Variants in DNAJC24 observed in about 807,000 individuals in gnomAD.
DNAJC24 encodes dnaJ homolog subfamily C member 24.
Under a neutral mutation model 18.0 loss-of-function variants are expected in DNAJC24, and 17 were observed. That is an observed-to-expected ratio of 0.94 (90% confidence interval 0.65 to 1.42). DNAJC24 has a LOEUF of 1.42. Ranked by LOEUF, DNAJC24 falls within the 40% of genes most tolerant of loss-of-function variation. The pLI is 0.00. For missense variants in DNAJC24, 158 were observed against 175.6 expected (o/e 0.90, Z 0.57); for synonymous variants, 55 against 57.7 (o/e 0.95, Z 0.21).
chr11:31,405,365 C>A lies in DNAJC24; in HGVS notation c.112-9446C>A, dbSNP rs532046655. Reference sequence around the variant, plus strand: ...GATTACAGGCATGAGCCACCGCACCCAGCCAGGAATTTTTTTTTTTTTTTT... The same window carrying A: ...GATTACAGGCATGAGCCACCGCACCAAGCCAGGAATTTTTTTTTTTTTTTT... On this transcript the variant is annotated intron_variant, in intron 2 of 4. Coordinates refer to ENST00000465995, the MANE Select transcript of DNAJC24 (RefSeq NM_181706.5). Among the ~76,000 whole-genome samples, 74 of 150,686 alleles carry A rather than the reference C, an allele frequency of 4.9e-4. No homozygotes were observed. The South Asian group carries it at 0.014, about 28-fold the overall frequency.
chr11:31,377,289 T>G (rs1952326202), intron 2 of DNAJC24, among the ~76,000 whole-genome samples: 2 of 152,122 alleles, frequency 1.3e-5, no homozygotes, highest in Admixed American at 1.3e-4. Context: ...CTTATTTCAG[T>G]TTTTGTAAAT....
rs577802261 is a variant in DNAJC24, at chr11:31,431,374, C to G, written c.*973C>G. 2 of 151,694 alleles carry G rather than the reference C, an allele frequency of 1.3e-5. No individual in the cohort carries two copies. Among genetic ancestry groups the G allele is most frequent in the Admixed American group, 1.3e-4 (2 of 15,242 alleles). The allele number at this position is 151,694 out of a possible 1,614,324, so 9.4% of individuals were successfully genotyped here. A position where few individuals can be genotyped will look rare whatever the true frequency, so the allele number is the denominator to read the frequency against. On this transcript the variant is annotated 3_prime_UTR_variant, in exon 5 of 5. Transcript: ENST00000465995. ...TCATGTTGGCTAGGCTGGTCTTGAA[C>G]TCCTGGCCTCAAATGATCCGCCCAC...
intron 2 of DNAJC24, among the ~76,000 whole-genome samples, chr11:31,390,508 C>T (rs945691157): frequency 1.3e-5 from 2 of 151,222 alleles, no homozygotes; most frequent in African/African-American, 4.9e-5. Flanking sequence ...GAGATCGAGA[C>T]CTTCCTAGCC....
intron 2 of DNAJC24, among the ~76,000 whole-genome samples, chr11:31,387,503 A>C (rs1952441226): frequency 1.3e-5 from 2 of 152,224 alleles, no homozygotes; most frequent in South Asian, 4.1e-4. Context: ...TCACCAAGGC[A>C]GTAACTCTAC....
chr11:31,423,730 C>T (rs1200325139), intron 3 of DNAJC24, among the ~76,000 whole-genome samples: 2 of 152,158 alleles, frequency 1.3e-5, no homozygotes, highest in Non-Finnish European at 2.9e-5. Context: ...GGAACCTGGA[C>T]TGTTTGTGCC....
chr11:31,430,156 T>C (rs1591925751), intron 4 of DNAJC24, 115 bp from the exon 5 acceptor site: 1 of 923,098 alleles, frequency 1.1e-6, no homozygotes, highest in Non-Finnish European at 1.5e-6. Flanking sequence ...TTATCTTTAC[T>C]GAGCTTCTTT....
chr11:31,418,895 G>C (rs1189266967), intron 3 of DNAJC24, among the ~76,000 whole-genome samples: 2 of 152,076 alleles, frequency 1.3e-5, no homozygotes, highest in East Asian at 3.9e-4. Flanking sequence ...CAGATAAATG[G>C]AACGAAATAT....
At chr11:31,417,236 T>C (rs1355928787) in intron 3 of DNAJC24, 1 of 152,180 alleles carries the variant, frequency 6.6e-6, no homozygotes, top group Non-Finnish European at 1.5e-5. Context: ...ATTGACATAC[T>C]GTTTAGGTAA....
intron 2 of DNAJC24, among the ~76,000 whole-genome samples, chr11:31,387,864 G>A (rs987902713): frequency 4.6e-5 from 7 of 152,090 alleles, no homozygotes; most frequent in South Asian, 2.1e-4. Context: ...TTAAGATAAC[G>A]CAGAGAAGCC....
intron 2 of DNAJC24, among the ~76,000 whole-genome samples, chr11:31,373,062 GT>G (rs531282453): frequency 9.9e-5 from 13 of 130,910 alleles, no homozygotes; most frequent in East Asian, 7.9e-4. Flanking sequence ...TTTATGAAGT[GT>G]TTTTTTTTAA....
In DNAJC24 at chr11:31,432,523, C is replaced by T. The variant is rs1157557866; in HGVS notation, c.*2122C>T. The T allele has an allele frequency of 1.9e-6, 3 of 1,612,746 alleles. No homozygotes were observed. In the Admixed American group the frequency reaches 5.0e-5, roughly 27 times the overall value. On this transcript the variant is annotated 3_prime_UTR_variant, in exon 5 of 5. Coordinates refer to ENST00000465995, the MANE Select transcript of DNAJC24 (RefSeq NM_181706.5). ...TACTAATCATCAGAAAATCTGTGGC[C>T]ATTAGGGCTGGCACGTAAAAATCCA...
chr11:31,407,900 C>G (rs1952671632), intron 2 of DNAJC24, among the ~76,000 whole-genome samples: 1 of 150,300 alleles, frequency 6.7e-6, no homozygotes, highest in Non-Finnish European at 1.5e-5. Flanking sequence ...ACAAATTATG[C>G]CCCTCTCTTA....
chr11:31,425,235 TG>T (rs1952850375), intron 3 of DNAJC24, among the ~76,000 whole-genome samples: 2 of 152,112 alleles, frequency 1.3e-5, no homozygotes, highest in Admixed American at 6.6e-5. Flanking sequence ...ATTTGTGTTG[TG>T]GGGTTATTGA....
At chr11:31,370,346 A>G (rs1409877863) in intron 1 of DNAJC24, among the ~76,000 whole-genome samples, 1 of 152,150 alleles carries the variant, frequency 6.6e-6, no homozygotes, top group African/African-American at 2.4e-5. Flanking sequence ...TTTTGTAAAT[A>G]TTCATTAAGC....
At chr11:31,414,081 A>G (rs1405766163) in intron 2 of DNAJC24, among the ~76,000 whole-genome samples, 3 of 152,194 alleles carry the variant, frequency 2.0e-5, no homozygotes, top group Non-Finnish European at 4.4e-5. Context: ...TTGGCATAAA[A>G]CTTCTGGTTT....
chr11:31,421,896 C>A, intron 3 of DNAJC24: 1 of 412,984 alleles, frequency 2.4e-6, no homozygotes, highest in South Asian at 1.9e-5. Context: ...AACCAAGCTG[C>A]TAATAGTTAT....
intron 3 of DNAJC24, among the ~76,000 whole-genome samples, chr11:31,417,533 C>G (rs775013048): frequency 3.3e-5 from 5 of 151,976 alleles, no homozygotes; most frequent in Non-Finnish European, 7.4e-5. Flanking sequence ...ATAACCAGGT[C>G]AAAGCACTCT....
chr11:31,415,802 G>T (rs764680358), intron 3 of DNAJC24: 1 of 152,178 alleles, frequency 6.6e-6, no homozygotes, highest in Non-Finnish European at 1.5e-5. Flanking sequence ...GTCGCTTATT[G>T]AATCCCCTCC....
At chr11:31,422,625 A>C (rs1353826990) in intron 3 of DNAJC24, among the ~76,000 whole-genome samples, 2 of 152,170 alleles carry the variant, frequency 1.3e-5, no homozygotes, top group Admixed American at 6.5e-5. Context: ...AAAAATATGC[A>C]ATACTACAAA....
Sources: allele counts gnomAD v4.1 joint callset (sites outside exome capture counted in the v4.1 genomes callset), GRCh38; gene constraint gnomAD v4.1.1; transcripts MANE v1.5; gene names NCBI Gene and HGNC (gene_info 2026-07-23, HGNC 2026-07-21).